MICU1: variants seen among roughly 807,000 people sequenced by gnomAD.
The protein encoded by MICU1 is mitochondrial calcium uptake 1, also known as calcium uptake protein 1, mitochondrial.
A neutral mutation model predicts 56.8 loss-of-function variants in MICU1; 45 were observed. The ratio of observed to expected loss-of-function variants is 0.79; its 90% CI spans 0.62 to 1.02. MICU1 has a LOEUF of 1.02. Ranked by LOEUF, MICU1 falls within the 50% of genes least tolerant of loss-of-function variation. The probability of loss-of-function intolerance (pLI) is 0.00; values close to 1 mark genes in which losing one functional copy is unlikely to be tolerated. For missense variants in MICU1, 504 were observed against 587.1 expected (o/e 0.86, Z 1.46); for synonymous variants, 186 against 195.1 (o/e 0.95, Z 0.39).
intron 9 of MICU1, among the ~76,000 whole-genome samples, chr10:72,417,487 A>G (rs1375760104): frequency 1.3e-5 from 2 of 151,838 alleles, no homozygotes; most frequent in African/African-American, 4.8e-5. Flanking sequence ...ATATAGTTGT[A>G]AGGATAAGGG....
intron 8 of MICU1, 123 bp downstream of exon 8, chr10:72,474,977 T>C (rs1378414422): frequency 1.3e-6 from 1 of 796,102 alleles, no homozygotes; most frequent in East Asian, 2.7e-5. Context: ...TATAAAGCAC[T>C]GATAAGCTTC....
chr10:72,576,430 T>C (rs369712342), intron 1 of MICU1, among the ~76,000 whole-genome samples: 2 of 152,180 alleles, frequency 1.3e-5, no homozygotes, highest in Admixed American at 6.5e-5. Context: ...CAGATTTTAG[T>C]GGTCTAGACA....
intron 8 of MICU1, among the ~76,000 whole-genome samples, chr10:72,424,237 C>G (rs1279297843): frequency 6.6e-6 from 1 of 152,114 alleles, no homozygotes; most frequent in East Asian, 1.9e-4. Flanking sequence ...CTCAGCCTCC[C>G]GAGTAAATGG....
At chr10:72,372,263 G>A (rs1290551047) in intron 11 of MICU1, among the ~76,000 whole-genome samples, 5 of 152,028 alleles carry the variant, frequency 3.3e-5, no homozygotes, top group African/African-American at 4.8e-5. Flanking sequence ...AGCTACTCAA[G>A]AGGTTGAGGT....
intron 8 of MICU1, among the ~76,000 whole-genome samples, chr10:72,462,896 T>A (rs1484268134): frequency 6.6e-6 from 1 of 152,214 alleles, no homozygotes; most frequent in Non-Finnish European, 1.5e-5. Flanking sequence ...GCTCCTTTTA[T>A]CTTGTGGCCA....
In MICU1 at chr10:72,538,933, G is replaced by A. The variant is rs149751600; in HGVS notation, c.494-5144C>T. ...ATATTTGGAAATAGAAACCAAAAGAGAGCAGGAGTAGCTATACCCAGATAA... is the reference window on the plus strand; with the variant it reads ...ATATTTGGAAATAGAAACCAAAAGAAAGCAGGAGTAGCTATACCCAGATAA... On this transcript the variant is annotated intron_variant, in intron 4 of 11. Coordinates refer to ENST00000361114, the MANE Select transcript of MICU1 (RefSeq NM_001195518.2). Among the ~76,000 whole-genome samples the A allele has an allele frequency of 2.7e-3, 417 of 152,100 alleles. 1 individual carries two copies. The highest frequency in any genetic ancestry group is 0.025 in the Admixed American group (385 of 15,284).
chr10:72,592,784 T>TC (rs1449899112), intron 1 of MICU1, among the ~76,000 whole-genome samples: 1 of 126,290 alleles, frequency 7.9e-6, no homozygotes, highest in Non-Finnish European at 1.7e-5. Flanking sequence ...CTTTTCTTTC[T>TC]TTTTTTTTTT....
intron 1 of MICU1, among the ~76,000 whole-genome samples, chr10:72,595,906 G>A (rs1366506306): frequency 6.6e-6 from 1 of 152,090 alleles, no homozygotes; most frequent in Non-Finnish European, 1.5e-5. Flanking sequence ...GAGGAGGAAG[G>A]ATGGCTTGAG....
At chr10:72,509,499 A>G in intron 5 of MICU1, 1 of 980,034 alleles carries the variant, frequency 1.0e-6, no homozygotes, top group Non-Finnish European at 1.4e-6. Flanking sequence ...GTCAGTTTGT[A>G]TGATCTTCTC....
At chr10:72,478,026 G>T (rs1866177374) in intron 6 of MICU1, among the ~76,000 whole-genome samples, 1 of 151,980 alleles carries the variant, frequency 6.6e-6, no homozygotes, top group African/African-American at 2.4e-5. Context: ...GTACAACCAT[G>T]CCTGGCTAAT....
intron 9 of MICU1, among the ~76,000 whole-genome samples, chr10:72,418,414 T>C (rs1864054008): frequency 6.6e-6 from 1 of 152,016 alleles, no homozygotes; most frequent in Non-Finnish European, 1.5e-5. Flanking sequence ...ACAGGAAGAG[T>C]ATGATTAGGA....
intron 1 of MICU1, among the ~76,000 whole-genome samples, chr10:72,576,358 A>G (rs1421415691): frequency 6.6e-6 from 1 of 152,210 alleles, no homozygotes; most frequent in African/African-American, 2.4e-5. Context: ...AAAAAAATTA[A>G]AAGTGCTACT....
At chr10:72,597,361 T>C (rs3009545) in intron 1 of MICU1, among the ~76,000 whole-genome samples, 87,285 of 151,986 alleles carry the variant, frequency 0.57, 26,198 homozygotes, top group Non-Finnish European at 0.65. Context: ...GAGAGTCAAC[T>C]GCAAAGAATG....
chr10:72,424,376 G>A (rs996301014), intron 8 of MICU1, among the ~76,000 whole-genome samples: 1 of 152,152 alleles, frequency 6.6e-6, no homozygotes, highest in African/African-American at 2.4e-5. Context: ...GCCTCCCAAA[G>A]TGCTGGTATT....
At chr10:72,527,851 G>A (rs1174070475) in intron 5 of MICU1, among the ~76,000 whole-genome samples, 2 of 151,984 alleles carry the variant, frequency 1.3e-5, no homozygotes. Context: ...TTCTTGAGAC[G>A]GAATCTTGCT....
At chr10:72,397,275 G>A (rs1344491636) in intron 10 of MICU1, among the ~76,000 whole-genome samples, 1 of 152,212 alleles carries the variant, frequency 6.6e-6, no homozygotes, top group Non-Finnish European at 1.5e-5. Flanking sequence ...AAGAGCTCCT[G>A]AAGGAAGCAC....
Position 72,375,871 on chromosome 10 carries a change from C to A in MICU1, c.1182G>T (p.Val394=). 2 of 1,610,842 alleles carry A rather than the reference C, an allele frequency of 1.2e-6. No individual in the cohort carries two copies. Among genetic ancestry groups the A allele is most frequent in the South Asian group, 2.2e-5 (2 of 90,488 alleles). ...CTGTCCTGGCCACCTGCTGCATGGT[C>A]ACTGAAAAAAGAAAGAGGTGCATTA... ...YHMAGASLDK[V]TMQQVARTVA... Residue 394 remains valine, a splice_region_variant and synonymous_variant, in exon 11 of 12, where the codon GTG becomes GTT. Coordinates refer to ENST00000361114, the MANE Select transcript of MICU1 (RefSeq NM_001195518.2).
At position 72,572,467 on chromosome 10, in the gene MICU1, T is replaced by C. The variant is rs771549922; in HGVS notation, c.-1-5673A>G. Among the ~76,000 whole-genome samples, 99 of 152,098 alleles carry C rather than the reference T, an allele frequency of 6.5e-4. 1 individual carries two copies. The highest frequency in any genetic ancestry group is 8.3e-4 in the South Asian group (4 of 4,824). On this transcript the variant is annotated intron_variant, in intron 1 of 11. Coordinates refer to ENST00000361114, the MANE Select transcript of MICU1 (RefSeq NM_001195518.2). ...ATTTTTGACTCCCAAATAAACTTAATGAGAAAAACCTGTTTAATAACTGTT... is the reference window on the plus strand; with the variant it reads ...ATTTTTGACTCCCAAATAAACTTAACGAGAAAAACCTGTTTAATAACTGTT...
chr10:72,509,393 G>A, intron 5 of MICU1: 1 of 1,335,122 alleles, frequency 7.5e-7, no homozygotes, highest in Non-Finnish European at 9.9e-7. Context: ...TATCCAATGG[G>A]TTACCTCTGT....
Sources: allele counts gnomAD v4.1 joint callset (sites outside exome capture counted in the v4.1 genomes callset), GRCh38; gene constraint gnomAD v4.1.1; transcripts MANE v1.5; gene names NCBI Gene and HGNC (gene_info 2026-07-23, HGNC 2026-07-21).